Variants in KIAA0586 observed in about 807,000 individuals in gnomAD.
KIAA0586 encodes the protein KIAA0586.
KIAA0586 carries 144 observed loss-of-function variants against 169.8 expected under a neutral mutation model. The observed-to-expected ratio is 0.85, with a 90% CI of 0.74 to 0.97. The LOEUF (loss-of-function observed/expected upper bound fraction) is 0.97. Among genes scored for constraint, KIAA0586 ranks in the 50% least tolerant of loss-of-function variants. The pLI, the probability that KIAA0586 is intolerant of heterozygous loss-of-function variation, is 0.00. For synonymous variants in KIAA0586, 625 were observed against 612.4 expected (o/e 1.02, Z -0.30); for missense variants, 1,854 against 1,823.0 (o/e 1.02, Z -0.31).
At chr14:58,428,865 C>T (rs1044871278) in intron 1 of KIAA0586, among the ~76,000 whole-genome samples, 2 of 152,082 alleles carry the variant, frequency 1.3e-5, no homozygotes, top group African/African-American at 4.8e-5. Flanking sequence ...TTGATGGCTT[C>T]TATATTCCAA....
intron 12 of KIAA0586, among the ~76,000 whole-genome samples, 181 bp downstream of exon 12, chr14:58,458,726 T>C (rs1219470452): frequency 1.3e-5 from 2 of 152,214 alleles, no homozygotes; most frequent in Non-Finnish European, 2.9e-5. Context: ...ACAAGTATAT[T>C]ATCTCCACTT....
chr14:58,496,569 A>G (rs926690137), intron 26 of KIAA0586, among the ~76,000 whole-genome samples: 2 of 152,222 alleles, frequency 1.3e-5, no homozygotes, highest in African/African-American at 4.8e-5. Flanking sequence ...TGAGGCAATC[A>G]GTATTCCTAA....
chr14:58,557,031 C>T, the KIAA0586 span, among the ~76,000 whole-genome samples: 2 of 152,254 alleles, frequency 1.3e-5, no homozygotes, highest in Admixed American at 1.3e-4. Flanking sequence ...AGGCATAAGC[C>T]ACCACACTCA....
At chr14:58,456,645 A>T (rs1229465164) in intron 9 of KIAA0586, 57 bp from the exon 10 acceptor site, 2 of 910,036 alleles carry the variant, frequency 2.2e-6, no homozygotes, top group African/African-American at 3.4e-5. Flanking sequence ...AATTTACAAC[A>T]ATTTAGGAAA....
At chr14:58,531,740 T>G (rs925373466) in intron 29 of KIAA0586, among the ~76,000 whole-genome samples, 1 of 152,194 alleles carries the variant, frequency 6.6e-6, no homozygotes, top group African/African-American at 2.4e-5. Flanking sequence ...ACACGTATAT[T>G]TATTGCAGCA....
chr14:58,552,293 T>A (rs2047217516), downstream of KIAA0586, among the ~76,000 whole-genome samples: 1 of 152,216 alleles, frequency 6.6e-6, no homozygotes, highest in South Asian at 2.1e-4. Flanking sequence ...GGGTAGATTT[T>A]AAGTGTCAGA....
chr14:58,508,972 G>C (rs975098510), intron 28 of KIAA0586, among the ~76,000 whole-genome samples: 7 of 152,158 alleles, frequency 4.6e-5, no homozygotes, highest in Non-Finnish European at 1.0e-4. Context: ...GCTCACACCT[G>C]TAATCCCAGC....
At chr14:58,535,832 T>C (rs1227713025) in intron 29 of KIAA0586, among the ~76,000 whole-genome samples, 1 of 152,054 alleles carries the variant, frequency 6.6e-6, no homozygotes, top group Non-Finnish European at 1.5e-5. Context: ...ATTTATGTTG[T>C]TTTGTGGGTT....
In KIAA0586 at chr14:58,460,977, T is replaced by A. The variant is rs767018029; in HGVS notation, c.1885-9T>A. The A allele has an allele frequency of 6.4e-7, 1 of 1,565,698 alleles. No homozygotes were observed. The highest frequency in any genetic ancestry group is 8.6e-7 in the Non-Finnish European group (1 of 1,160,992). The stretch of plus-strand genomic sequence containing the variant: ...TTTCATGGTGAGTTGAATAACTTTG[T>A]ACACACAGGGGCTTTTGAAAGCAAC... On this transcript the variant is annotated splice_polypyrimidine_tract_variant and intron_variant, in intron 13 of 30. Transcript: ENST00000652326.
At chr14:58,438,176 T>G (rs1243182220) in intron 4 of KIAA0586, among the ~76,000 whole-genome samples, 2 of 152,186 alleles carry the variant, frequency 1.3e-5, no homozygotes. Context: ...TAGAATGAAA[T>G]AATTGCTTCT....
chr14:58,439,856 C>T, intron 4 of KIAA0586: 1 of 982,440 alleles, frequency 1.0e-6, no homozygotes, highest in South Asian at 4.7e-5. Flanking sequence ...TGTATTCCTG[C>T]CAATTTTACT....
intron 29 of KIAA0586, among the ~76,000 whole-genome samples, chr14:58,534,638 G>A (rs750865087): frequency 5.3e-5 from 8 of 152,050 alleles, no homozygotes; most frequent in Non-Finnish European, 1.2e-4. Context: ...TAATTTCAGT[G>A]CACTGGTATT....
rs1187259766 is a variant in KIAA0586, at chr14:58,428,241, G to A, written c.-24G>A. 1 of 1,608,964 alleles carries A rather than the reference G, an allele frequency of 6.2e-7. No homozygotes were observed. The highest frequency in any genetic ancestry group is 2.2e-5 in the East Asian group (1 of 44,808). ...AGAAAGTTTTTCCGTCCTTAAGTGT[G>A]GGACTTGTTTTGTGACCAACAATAT... is the stretch of plus-strand genomic sequence containing the variant. On this transcript the variant is annotated 5_prime_UTR_variant, in exon 1 of 31. Coordinates refer to ENST00000652326, the MANE Select transcript of KIAA0586 (RefSeq NM_001329943.3).
intron 21 of KIAA0586, 86 bp downstream of exon 21, chr14:58,482,798 A>G (rs1488457112): frequency 2.1e-6 from 2 of 952,668 alleles, no homozygotes; most frequent in East Asian, 5.5e-5. Context: ...TGTTTGTGGT[A>G]GAAGTATTAT....
chr14:58,557,049 C>T, the KIAA0586 span, among the ~76,000 whole-genome samples: 2 of 152,254 alleles, frequency 1.3e-5, no homozygotes, highest in East Asian at 1.9e-4. Context: ...TCAGCCAGTT[C>T]GTTGTTTTTT....
chr14:58,444,852 G>A (rs1247175454), intron 6 of KIAA0586, among the ~76,000 whole-genome samples: 1 of 148,560 alleles, frequency 6.7e-6, no homozygotes, highest in Non-Finnish European at 1.5e-5. Context: ...CAAGCTAAGA[G>A]GATTGCTTGA....
At chr14:58,475,314 C>G (rs1209432970) in intron 19 of KIAA0586, among the ~76,000 whole-genome samples, 1 of 152,188 alleles carries the variant, frequency 6.6e-6, no homozygotes, top group Non-Finnish European at 1.5e-5. Flanking sequence ...AGGTTGCACG[C>G]TCCCTATGAG....
chr14:58,534,804 A>G (rs1345605216), intron 29 of KIAA0586, among the ~76,000 whole-genome samples: 1 of 152,250 alleles, frequency 6.6e-6, no homozygotes. Context: ...TTAAAACTAC[A>G]AAGGTATCAT....
At position 58,444,198 on chromosome 14, in the gene KIAA0586, A is replaced by G. The variant is rs1436083888; in HGVS notation, c.807+23A>G. The G allele has an allele frequency of 2.1e-6, 3 of 1,439,218 alleles. No individual in the cohort carries two copies. In the African/African-American group the frequency reaches 4.2e-5, roughly 20 times the overall value. The allele number at this position is 1,439,218 out of a possible 1,614,324, so 89.2% of individuals were successfully genotyped here. On this transcript the variant is annotated intron_variant, in intron 6 of 30. Coordinates refer to ENST00000652326, the MANE Select transcript of KIAA0586 (RefSeq NM_001329943.3). ...CAGGTATCTGTAATAAATCCAGTAC[A>G]GATTCCATAATCTTTTATCACTTGG...
Sources: allele counts gnomAD v4.1 joint callset (sites outside exome capture counted in the v4.1 genomes callset), GRCh38; gene constraint gnomAD v4.1.1; transcripts MANE v1.5; gene names NCBI Gene and HGNC (gene_info 2026-07-23, HGNC 2026-07-21).